Variants in CLIP2 observed in about 807,000 individuals in gnomAD.
CLIP2 encodes the protein CAP-Gly domain containing linker protein 2, also known as CAP-Gly domain-containing linker protein 2.
A neutral mutation model predicts 111.7 loss-of-function variants in CLIP2; 41 were observed. The observed-to-expected ratio is 0.37, with a 90% CI of 0.29 to 0.48. The LOEUF is 0.48. Ranked by LOEUF, CLIP2 falls within the 20% of genes least tolerant of loss-of-function variation. CLIP2 has a pLI of 0.99. For missense variants in CLIP2, 1,160 were observed against 1,422.1 expected (o/e 0.82, Z 2.96); for synonymous variants, 660 against 644.2 (o/e 1.02, Z -0.37).
At chr7:74,309,366 A>G (rs1788582624) in intron 1 of CLIP2, among the ~76,000 whole-genome samples, 1 of 152,096 alleles carries the variant, frequency 6.6e-6, no homozygotes, top group African/African-American at 2.4e-5. Context: ...GAGTTGTGCA[A>G]CTATCACCAC....
At position 74,390,751 on chromosome 7, in the gene CLIP2, G is replaced by GT. The variant is rs1554315747; in HGVS notation, c.2720+1492_2720+1493insT. Among the ~76,000 whole-genome samples, 4 of 138,718 alleles carry GT rather than the reference G, an allele frequency of 2.9e-5. No individual in the cohort carries two copies. In the East Asian group the frequency reaches 6.9e-4, roughly 24 times the overall value. The allele number at this position is 138,718 out of a possible 152,430, so 91.0% of individuals were successfully genotyped here. On this transcript the variant is annotated intron_variant, in intron 13 of 16. Coordinates refer to ENST00000223398, the MANE Select transcript of CLIP2 (RefSeq NM_003388.5). ...AAGTAACTATTTTCTGGCGGGGTGGGGGGGGTGGGTGGGGGACTGGGCGGG... is the reference window on the plus strand; with the variant it reads ...AAGTAACTATTTTCTGGCGGGGTGGGTGGGGGTGGGTGGGGGACTGGGCGGG...
At chr7:74,335,832 T>G (rs1328096836) in intron 2 of CLIP2, among the ~76,000 whole-genome samples, 20 of 151,802 alleles carry the variant, frequency 1.3e-4, no homozygotes, top group African/African-American at 4.8e-4. Context: ...AACCTCCGAC[T>G]TCCGGGTTCA....
intron 2 of CLIP2, among the ~76,000 whole-genome samples, chr7:74,322,558 A>C (rs573396100): frequency 1.2e-4 from 19 of 152,192 alleles, no homozygotes; most frequent in African/African-American, 4.1e-4. Flanking sequence ...CCTGGGCAAC[A>C]GAGTGAGACT....
At chr7:74,371,367 G>A (rs1554311818) in intron 8 of CLIP2, among the ~76,000 whole-genome samples, 2 of 151,870 alleles carry the variant, frequency 1.3e-5, no homozygotes, top group African/African-American at 4.8e-5. Context: ...CCAGTTCAGT[G>A]TGTAGGATCA....
chr7:74,396,076 A>G (rs572660819), intron 13 of CLIP2, among the ~76,000 whole-genome samples: 2 of 152,304 alleles, frequency 1.3e-5, no homozygotes, highest in South Asian at 4.1e-4. Context: ...GGCAAGGGAA[A>G]ACGCTAGGGC....
At chr7:74,386,896 A>ACG (rs1791121342) in intron 12 of CLIP2, among the ~76,000 whole-genome samples, 1 of 151,630 alleles carries the variant, frequency 6.6e-6, no homozygotes, top group African/African-American at 2.4e-5. Context: ...GGTGGCATGC[A>ACG]CCTGTAATCC....
At chr7:74,308,578 C>G (rs534995902) in intron 1 of CLIP2, among the ~76,000 whole-genome samples, 1 of 151,960 alleles carries the variant, frequency 6.6e-6, no homozygotes, top group Admixed American at 6.6e-5. Flanking sequence ...GATGTCAGCT[C>G]ACTGCAACCT....
chr7:74,346,863 G>A (rs1436688883), intron 3 of CLIP2, among the ~76,000 whole-genome samples: 1 of 151,844 alleles, frequency 6.6e-6, no homozygotes, highest in African/African-American at 2.4e-5. Context: ...GTGAGACCCT[G>A]TCTCTACAAA....
At chr7:74,373,844 G>A (rs1318397044) in intron 9 of CLIP2, among the ~76,000 whole-genome samples, 2 of 152,202 alleles carry the variant, frequency 1.3e-5, no homozygotes, top group East Asian at 1.9e-4. Flanking sequence ...GGGTGCAGGA[G>A]GGGGCTGGGC....
intron 8 of CLIP2, among the ~76,000 whole-genome samples, chr7:74,366,262 T>A (rs968868707): frequency 2.0e-5 from 3 of 151,928 alleles, no homozygotes; most frequent in Middle Eastern, 3.2e-3. Context: ...CCATTCCAAC[T>A]CCCCAGCCTC....
rs1791688638 is a variant in CLIP2, at chr7:74,403,742, C to CG, written c.3130-93dup. On this transcript the variant is annotated intron_variant, in intron 16 of 16. Coordinates refer to ENST00000223398, the MANE Select transcript of CLIP2 (RefSeq NM_003388.5). Reference sequence around the variant, plus strand: ...GTTCGCTCTATGCTCCTCCCCCACCCGGCCCCAACTCCTTTCCTCCCTGAC... The same window carrying CG: ...GTTCGCTCTATGCTCCTCCCCCACCCGGGCCCCAACTCCTTTCCTCCCTGAC... 5 of 1,304,250 alleles carry CG rather than the reference C, an allele frequency of 3.8e-6. No homozygotes were observed. In the East Asian group the frequency reaches 1.2e-4, roughly 30 times the overall value. The allele number at this position is 1,304,250 out of a possible 1,614,324, so 80.8% of individuals were successfully genotyped here. A position where few individuals can be genotyped will look rare whatever the true frequency, so the allele number is the denominator to read the frequency against.
chr7:74,289,951 G>A (rs1787964603), intron 1 of CLIP2, among the ~76,000 whole-genome samples: 2 of 152,182 alleles, frequency 1.3e-5, no homozygotes, highest in Non-Finnish European at 2.9e-5. Context: ...GAGAGGAGGG[G>A]GCACTGCTTG....
At chr7:74,322,316 A>T (rs1346758325) in intron 2 of CLIP2, among the ~76,000 whole-genome samples, 2 of 148,870 alleles carry the variant, frequency 1.3e-5, no homozygotes, top group African/African-American at 4.9e-5. Flanking sequence ...TTTTTTTTTA[A>T]GAGACAGGAT....
chr7:74,356,310 T>C, intron 4 of CLIP2, 100 bp from the exon 5 acceptor site: 2 of 990,600 alleles, frequency 2.0e-6, no homozygotes. Context: ...GGAGGTGTCT[T>C]TCTCTCTTTC....
At chr7:74,383,711 A>G (rs1791006379) in intron 11 of CLIP2, among the ~76,000 whole-genome samples, 1 of 152,182 alleles carries the variant, frequency 6.6e-6, no homozygotes. Flanking sequence ...TTGGTGGCTT[A>G]CACCTGTAAT....
chr7:74,341,991 C>T (rs1230479344), intron 3 of CLIP2, among the ~76,000 whole-genome samples: 1 of 152,132 alleles, frequency 6.6e-6, no homozygotes, highest in Non-Finnish European at 1.5e-5. Flanking sequence ...CCCCCGAGGG[C>T]AGAACTTAGG....
intron 7 of CLIP2, 61 bp from the exon 8 acceptor site, chr7:74,364,194 T>C (rs2116625934): frequency 6.7e-7 from 1 of 1,486,404 alleles, no homozygotes; most frequent in Non-Finnish European, 9.3e-7. Flanking sequence ...CTGTTGCTCA[T>C]TCGGTGAATC....
At chr7:74,307,347 C>T (rs563694813) in intron 1 of CLIP2, among the ~76,000 whole-genome samples, 2 of 152,310 alleles carry the variant, frequency 1.3e-5, no homozygotes, top group East Asian at 3.9e-4. Context: ...CCAGGACAGC[C>T]ACTTAGCAGT....
chr7:74,403,062 A>C (rs1380192038), intron 16 of CLIP2, among the ~76,000 whole-genome samples: 1 of 150,958 alleles, frequency 6.6e-6, no homozygotes, highest in Non-Finnish European at 1.5e-5. Flanking sequence ...AATACAAAAA[A>C]AAAAAAATCA....
Sources: allele counts gnomAD v4.1 joint callset (sites outside exome capture counted in the v4.1 genomes callset), GRCh38; gene constraint gnomAD v4.1.1; transcripts MANE v1.5; gene names NCBI Gene and HGNC (gene_info 2026-07-23, HGNC 2026-07-21).